The following LRP2 variants were observed in gnomAD, a reference collection of about 807,000 sequenced individuals.
LRP2 encodes LDL receptor related protein 2.
LRP2 carries 172 observed loss-of-function variants against 531.0 expected under a neutral mutation model. The observed-to-expected ratio is 0.32, with a 90% CI of 0.29 to 0.37. The LOEUF (loss-of-function observed/expected upper bound fraction) is 0.37, where lower values mean the gene tolerates loss of function less well. Ranked by LOEUF, LRP2 falls within the 10% of genes least tolerant of loss-of-function variation. LRP2 has a pLI of 1.00. For missense variants in LRP2, 5,167 were observed against 5,868.3 expected, an observed-to-expected ratio of 0.88 and a Z score of 3.90; for synonymous variants, 1,992 against 2,027.6, an observed-to-expected ratio of 0.98 and a Z score of 0.47.
chr2:169,181,121 A>G (rs1687414355), intron 52 of LRP2, among the ~76,000 whole-genome samples: 1 of 152,142 alleles, frequency 6.6e-6, no homozygotes, highest in Non-Finnish European at 1.5e-5. Flanking sequence ...AGAGCAAATT[A>G]AAGAGATAAA....
At position 169,294,720 on chromosome 2, in the gene LRP2, A is replaced by G. The variant is rs1393427032; in HGVS notation, c.428-10T>C. 2 of 70,216 alleles carry G rather than the reference A, an allele frequency of 2.8e-5. No individual in the cohort carries two copies. Among genetic ancestry groups the G allele is most frequent in the Non-Finnish European group, 6.1e-5 (2 of 32,744 alleles). 4.3% of individuals were successfully genotyped at this position (70,216 alleles called of 1,614,324 possible). On this transcript the variant is annotated splice_polypyrimidine_tract_variant and intron_variant, in intron 4 of 78. Transcript: ENST00000649046. ...TCACATGTTGGGTACTCTATTGTAA[A>G]AAAAAAAAAAAAAAAAAAAAGGAAA...
At chr2:169,226,034 ATATTCG>A (rs1689189514) in intron 32 of LRP2, among the ~76,000 whole-genome samples, 2 of 152,168 alleles carry the variant, frequency 1.3e-5, no homozygotes, top group Non-Finnish European at 2.9e-5. Flanking sequence ...GATCATTTTT[ATATTCG>A]TCGAATATTT....
chr2:169,175,527 TCA>T, intron 54 of LRP2, 138 bp from the exon 55 acceptor site: 1 of 748,192 alleles, frequency 1.3e-6, no homozygotes. Context: ...CAATTAAATC[TCA>T]GTTACAATGG....
intron 1 of LRP2, among the ~76,000 whole-genome samples, chr2:169,321,776 A>G (rs973963280): frequency 6.6e-6 from 1 of 152,078 alleles, no homozygotes; most frequent in African/African-American, 2.4e-5. Context: ...AGCCAACAAG[A>G]GTATACAAAC....
intron 36 of LRP2, among the ~76,000 whole-genome samples, chr2:169,212,502 AT>A (rs2105341639): frequency 6.6e-6 from 1 of 152,280 alleles, no homozygotes; most frequent in African/African-American, 2.4e-5. Context: ...TCTGCTCATA[AT>A]TTGCCTATGA....
intron 17 of LRP2, among the ~76,000 whole-genome samples, chr2:169,258,798 G>A (rs1372318567): frequency 6.6e-6 from 1 of 152,054 alleles, no homozygotes; most frequent in Non-Finnish European, 1.5e-5. Flanking sequence ...AGTGAAGACT[G>A]AGAAAGCCAA....
chr2:169,277,910 G>C lies in LRP2; in HGVS notation c.1607C>G (p.Pro536Arg), dbSNP rs754796717. Reference sequence around the variant, plus strand: ...ATCCATGAATGCCCTTTCCAGCTTAGGTTCCCCAGAAAGGCTCTCCCAATC... The same window carrying C: ...ATCCATGAATGCCCTTTCCAGCTTACGTTCCCCAGAAAGGCTCTCCCAATC... Reference protein sequence around the residue: ...FSDWESLSGEPKLERAFMDGS... With the variant: ...FSDWESLSGERKLERAFMDGS... The change falls in exon 13 of 79, where the codon CCT becomes CGT. Residue 536 changes from proline to arginine, a missense_variant. Coordinates refer to ENST00000649046, the MANE Select transcript of LRP2 (RefSeq NM_004525.3). The C allele has an allele frequency of 3.7e-6, 6 of 1,613,870 alleles. No individual in the cohort carries two copies. In the East Asian group the frequency reaches 6.7e-5, roughly 18 times the overall value.
chr2:169,145,977 C>G (rs1192067357), intron 69 of LRP2, 54 bp from the exon 70 acceptor site: 12 of 1,501,834 alleles, frequency 8.0e-6, no homozygotes, highest in Admixed American at 6.7e-5. Flanking sequence ...AGAAAATACC[C>G]ACTACACCCT....
chr2:169,195,354 T>C (rs1687971314), intron 46 of LRP2, among the ~76,000 whole-genome samples: 1 of 152,106 alleles, frequency 6.6e-6, no homozygotes, highest in African/African-American at 2.4e-5. Flanking sequence ...TATATAAAAG[T>C]AAAGTAAGAT....
chr2:169,284,385 C>T (rs1214308698), intron 9 of LRP2, among the ~76,000 whole-genome samples: 2 of 150,036 alleles, frequency 1.3e-5, no homozygotes, highest in Non-Finnish European at 3.0e-5. Flanking sequence ...CCACCTCAGC[C>T]TACCGAGTAG....
chr2:169,278,095 G>GTT (rs113905285), intron 12 of LRP2, 144 bp from the exon 13 acceptor site: 197 of 559,820 alleles, frequency 3.5e-4, no homozygotes, highest in Middle Eastern at 4.5e-4. Flanking sequence ...AAATTAAGTT[G>GTT]TTTTTTTTTT....
chr2:169,190,730 T>A (rs1687801415), intron 48 of LRP2, among the ~76,000 whole-genome samples: 1 of 152,202 alleles, frequency 6.6e-6, no homozygotes, highest in African/African-American at 2.4e-5. Context: ...TGTGCCCAAA[T>A]ACCTAAGACA....
In LRP2 at chr2:169,220,567, T is replaced by C. The variant is rs1410076414; in HGVS notation, c.5539-4A>G. 1 of 1,590,974 alleles carries C rather than the reference T, an allele frequency of 6.3e-7. No homozygotes were observed. Among genetic ancestry groups the C allele is most frequent in the Non-Finnish European group, 8.6e-7 (1 of 1,160,112 alleles). The stretch of plus-strand genomic sequence containing the variant: ...TATCTCCGTGGAGTGTCAAAACCTA[T>C]AGCATAAAATCACTTATTAGAACTG... On this transcript the variant is annotated splice_polypyrimidine_tract_variant and splice_region_variant and intron_variant, in intron 33 of 78. Transcript: ENST00000649046.
At chr2:169,256,064 A>G (rs1215705299) in intron 19 of LRP2, 42 bp downstream of exon 19, 2 of 1,603,464 alleles carry the variant, frequency 1.2e-6, no homozygotes, top group Non-Finnish European at 1.7e-6. Flanking sequence ...GTAACTTGCA[A>G]TGTATAAAAA....
At chr2:169,233,616 C>T in intron 29 of LRP2, 28 bp from the exon 30 acceptor site, 1 of 1,610,874 alleles carries the variant, frequency 6.2e-7, no homozygotes, top group Middle Eastern at 1.7e-4. Context: ...ACAGTGAGAC[C>T]TCATCCAAAA....
chr2:169,241,311 C>T lies in LRP2; in HGVS notation c.3722G>A (p.Gly1241Asp). 6.2e-7 allele frequency: 1 copy of T among 1,614,156 alleles called. No individual in the cohort carries two copies. Among genetic ancestry groups the T allele is most frequent in the Middle Eastern group, 1.6e-4 (1 of 6,062 alleles). Residue 1241 changes from glycine (G) to aspartate (D), a missense_variant, in exon 25 of 79, where the codon GGT becomes GAT. Coordinates refer to ENST00000649046, the MANE Select transcript of LRP2 (RefSeq NM_004525.3). ...HSDEFQCQEDGICIPNFWECD... is the reference protein window; with the variant it reads ...HSDEFQCQEDDICIPNFWECD... ...TTCCCAGAAGTTCGGGATGCAGATA[C>T]CATCTTCTTGGCACTGAAATTCATC...
Position 169,193,890 on chromosome 2 carries a change from G to T in LRP2, c.8701C>A (p.His2901Asn), listed in dbSNP as rs1321855185. The change falls in exon 47 of 79, where the codon CAC (histidine) becomes AAC (asparagine). Residue 2901 changes from histidine to asparagine, a missense_variant and splice_region_variant. Physicochemically the swap from His to Asn is moderately conservative, Grantham distance 68. Transcript: ENST00000649046. The stretch of plus-strand genomic sequence containing the variant: ...TCAGCTAGGCATGTTCGCTCAGAGT[G>T]ACCTGAAAAGATCAATAGCATTCTC... ...DASDEPASCG[H>N]SERTCLADEF... The T allele has an allele frequency of 1.9e-6, 3 of 1,614,128 alleles. No homozygotes were observed. The highest frequency in any genetic ancestry group is 2.5e-6 in the Non-Finnish European group (3 of 1,180,006).
At chr2:169,312,257 G>A (rs1408753271) in intron 3 of LRP2, among the ~76,000 whole-genome samples, 2 of 151,978 alleles carry the variant, frequency 1.3e-5, no homozygotes, top group African/African-American at 4.8e-5. Flanking sequence ...GATGTTAGCT[G>A]GTTATTTTGC....
At chr2:169,332,735 A>G (rs181183737) in intron 1 of LRP2, among the ~76,000 whole-genome samples, 133 of 152,356 alleles carry the variant, frequency 8.7e-4, no homozygotes, top group African/African-American at 2.2e-3. Context: ...ATATACACAC[A>G]CATACGTACA....
Sources: allele counts gnomAD v4.1 joint callset (sites outside exome capture counted in the v4.1 genomes callset), GRCh38; gene constraint gnomAD v4.1.1; transcripts MANE v1.5; gene names NCBI Gene and HGNC (gene_info 2026-07-23, HGNC 2026-07-21).